The following ALS2 variants were observed in gnomAD, a reference collection of about 807,000 sequenced individuals.
ALS2 encodes the protein alsin.
ALS2 carries 117 observed loss-of-function variants against 203.4 expected under a neutral mutation model. The ratio of observed to expected loss-of-function variants is 0.58; its 90% confidence interval spans 0.50 to 0.67. The LOEUF is 0.67. Among genes scored for constraint, ALS2 ranks in the 30% least tolerant of loss-of-function variants. The pLI is 0.00. For synonymous variants in ALS2, 718 were observed against 725.9 expected (o/e 0.99, Z 0.17); for missense variants, 1,715 against 1,989.4 (o/e 0.86, Z 2.62).
intron 29 of ALS2, among the ~76,000 whole-genome samples, chr2:201,706,624 T>C (rs59700305): frequency 3.4e-4 from 51 of 148,578 alleles, no homozygotes; most frequent in African/African-American, 1.3e-3. Context: ...TATGAAAACA[T>C]AATAAAAAAC....
At chr2:201,773,449 A>G (rs74985467) in intron 1 of ALS2, among the ~76,000 whole-genome samples, 1,659 of 152,262 alleles carry the variant, frequency 0.011, 25 homozygotes, top group African/African-American at 0.036. Flanking sequence ...GGTATCAGAA[A>G]TGATCCCTGG....
intron 17 of ALS2, 49 bp from the exon 18 acceptor site, chr2:201,726,915 G>A (rs1691208899): frequency 6.7e-6 from 10 of 1,501,664 alleles, no homozygotes; most frequent in Non-Finnish European, 9.2e-6. Context: ...AATTCATCAA[G>A]CATTGCTTTA....
At chr2:201,702,589 T>C (rs1689459772) in intron 33 of ALS2, among the ~76,000 whole-genome samples, 1 of 152,208 alleles carries the variant, frequency 6.6e-6, no homozygotes, top group African/African-American at 2.4e-5. Flanking sequence ...CCATCAGTAA[T>C]TTTAAAATAT....
At chr2:201,706,219 A>C (rs1055136076) in intron 29 of ALS2, among the ~76,000 whole-genome samples, 9 of 151,634 alleles carry the variant, frequency 5.9e-5, no homozygotes, top group Admixed American at 5.9e-4. Context: ...AACTCCATCT[A>C]TACTAAAAAT....
chr2:201,759,308 G>A lies in ALS2; in HGVS notation c.1114-1549C>T, dbSNP rs1031831368. The A allele has an allele frequency of 2.1e-5, 17 of 816,644 alleles. No individual in the cohort carries two copies. In the African/African-American group the frequency reaches 2.6e-4, roughly 13 times the overall value. 50.6% of individuals were successfully genotyped at this position (816,644 alleles called of 1,614,324 possible). ...GTTCCAGTCAACCAGTAATACTTTGGTTTATTTCCCAAGTGAGAGAGTCTC... is the reference window on the plus strand; with the variant it reads ...GTTCCAGTCAACCAGTAATACTTTGATTTATTTCCCAAGTGAGAGAGTCTC... On this transcript the variant is annotated intron_variant, in intron 4 of 33. Coordinates refer to ENST00000264276, the MANE Select transcript of ALS2 (RefSeq NM_020919.4).
At chr2:201,745,781 T>A (rs1309122221) in intron 9 of ALS2, among the ~76,000 whole-genome samples, 2 of 152,098 alleles carry the variant, frequency 1.3e-5, no homozygotes, top group African/African-American at 4.8e-5. Context: ...AAACCCCGTC[T>A]CTACTAAAAA....
At chr2:201,735,676 G>A (rs552514048) in intron 12 of ALS2, among the ~76,000 whole-genome samples, 2 of 152,298 alleles carry the variant, frequency 1.3e-5, no homozygotes, top group African/African-American at 4.8e-5. Flanking sequence ...TGTGCAAAAG[G>A]CAAGAGGCTT....
intron 1 of ALS2, among the ~76,000 whole-genome samples, chr2:201,771,109 C>T (rs1029120846): frequency 3.4e-5 from 5 of 148,312 alleles, no homozygotes; most frequent in African/African-American, 7.5e-5. Context: ...TGCAATGGCA[C>T]GCTCTCGGTT....
At chr2:201,705,235 C>T (rs747282562) in intron 30 of ALS2, 35 bp from the exon 31 acceptor site, 1 of 1,597,864 alleles carries the variant, frequency 6.3e-7, no homozygotes, top group Non-Finnish European at 8.6e-7. Context: ...AGGAGGAAAA[C>T]TATTTTCTGC....
At chr2:201,749,810 A>G in intron 7 of ALS2, 21 bp from the exon 8 acceptor site, 3 of 1,602,636 alleles carry the variant, frequency 1.9e-6, no homozygotes, top group Non-Finnish European at 2.6e-6. Flanking sequence ...AACACAGAAA[A>G]GTAGCTAAGC....
intron 1 of ALS2, among the ~76,000 whole-genome samples, chr2:201,776,814 C>T (rs1278340180): frequency 6.6e-6 from 1 of 152,128 alleles, no homozygotes; most frequent in African/African-American, 2.4e-5. Context: ...GTTTCACTTG[C>T]TTTAATAGTG....
At chr2:201,772,530 T>C (rs140348607) in intron 1 of ALS2, among the ~76,000 whole-genome samples, 236 of 152,342 alleles carry the variant, frequency 1.5e-3, no homozygotes, top group Non-Finnish European at 2.8e-3. Flanking sequence ...ATACATCGTG[T>C]TGTAGAAATA....
Position 201,705,200 on chromosome 2 carries a change from C to G in ALS2, c.4627G>C (p.Val1543Leu), listed in dbSNP as rs760222980. The change falls in exon 31 of 34, where the codon GTT becomes CTT. Residue 1543 changes from valine to leucine, a missense_variant and splice_region_variant. Physicochemically the swap from Val to Leu is conservative, Grantham distance 32. This residue lies in a region of ALS2 where 1,227 missense variants were observed against 1,413.5 expected (regional missense o/e 0.87). Transcript: ENST00000264276. ...TLSILGESKK[V>L]LPTTKDACFA... ...CAAGCATCTTTCGTGGTTGGCAAAA[C>G]CTGCAAAAAAGAGAGTGAAGGTCAA... 1 of 1,613,954 alleles carries G rather than the reference C, an allele frequency of 6.2e-7. No homozygotes were observed. Among genetic ancestry groups the G allele is most frequent in the South Asian group, 1.1e-5 (1 of 91,076 alleles).
rs1689404994 is a variant in ALS2, at chr2:201,701,762, C to A, written c.*89G>T. The A allele has an allele frequency of 7.9e-7, 1 of 1,261,220 alleles. No homozygotes were observed. Among genetic ancestry groups the A allele is most frequent in the Admixed American group, 1.7e-5 (1 of 58,420 alleles). The allele number at this position is 1,261,220 out of a possible 1,614,324, so 78.1% of individuals were successfully genotyped here. A position where few individuals can be genotyped will look rare whatever the true frequency, so the allele number is the denominator to read the frequency against. ...AACACAAAGTCCTTTCCAATTTCAACACTGTTCTTTTTTGCCACTACAGGA... is the reference window on the plus strand; with the variant it reads ...AACACAAAGTCCTTTCCAATTTCAAAACTGTTCTTTTTTGCCACTACAGGA... On this transcript the variant is annotated 3_prime_UTR_variant, in exon 34 of 34. Coordinates refer to ENST00000264276, the MANE Select transcript of ALS2 (RefSeq NM_020919.4).
intron 33 of ALS2, 62 bp downstream of exon 33, chr2:201,704,060 T>A (rs1206471896): frequency 6.9e-7 from 1 of 1,440,188 alleles, no homozygotes; most frequent in African/African-American, 1.4e-5. Flanking sequence ...ATGGCATTTA[T>A]AATATGGTAA....
chr2:201,768,550 C>T (rs1418958922), intron 2 of ALS2, among the ~76,000 whole-genome samples: 1 of 152,096 alleles, frequency 6.6e-6, no homozygotes, highest in Non-Finnish European at 1.5e-5. Context: ...AAATATCTTC[C>T]ATAACTAGTT....
At chr2:201,780,134 G>GT (rs1286132191) in intron 1 of ALS2, 1 of 152,192 alleles carries the variant, frequency 6.6e-6, no homozygotes, top group Non-Finnish European at 1.5e-5. Flanking sequence ...CAACAAGAGT[G>GT]TTTTTTCTCT....
chr2:201,706,535 T>TTATATATATATATA lies in ALS2; in HGVS notation c.4580+297_4580+310dup, dbSNP rs34345642. 1.3e-3 allele frequency among the ~76,000 whole-genome samples: 187 copies of TTATATATATATATA among 143,834 alleles called. 1 individual carries two copies. Among genetic ancestry groups the TTATATATATATATA allele is most frequent in the Middle Eastern group, 3.6e-3 (1 of 278 alleles). The allele number at this position is 143,834 out of a possible 152,430, so 94.4% of individuals were successfully genotyped here. A position where few individuals can be genotyped will look rare whatever the true frequency, so the allele number is the denominator to read the frequency against. On this transcript the variant is annotated intron_variant, in intron 29 of 33. Coordinates refer to ENST00000264276, the MANE Select transcript of ALS2 (RefSeq NM_020919.4). ...AATACCAGGCAAAATAGCTCACACT[T>TTATATATATATATA]TATATATATATATATATATAACTAT...
In ALS2 at chr2:201,707,955, T is replaced by G. The variant is rs376011573; in HGVS notation, c.4317A>C (p.Thr1439=). Residue 1439 remains threonine, a synonymous_variant, in exon 28 of 34, where the codon ACA becomes ACC. Transcript: ENST00000264276. The stretch of plus-strand genomic sequence containing the variant: ...TTGGCAGAGGAGCAGAGAGAGGAAT[T>G]GTGCTGCCTTCTTCAGGCAGCTCAG... ...LFPELPEEGS[T]IPLSAPLPTE... 25 of 1,613,326 alleles carry G rather than the reference T, an allele frequency of 1.5e-5. No homozygotes were observed. In the African/African-American group the frequency reaches 3.1e-4, roughly 20 times the overall value.
Sources: allele counts gnomAD v4.1 joint callset (sites outside exome capture counted in the v4.1 genomes callset), GRCh38; gene constraint gnomAD v4.1.1; regional missense constraint gnomAD v4.1.1; transcripts MANE v1.5; gene names NCBI Gene and HGNC (gene_info 2026-07-23, HGNC 2026-07-21).